Variants in STAB2 observed in about 807,000 individuals in gnomAD.
STAB2 encodes the protein stabilin 2, also known as stabilin-2.
STAB2 carries 288 observed loss-of-function variants against 338.1 expected under a neutral mutation model. The ratio of observed to expected loss-of-function variants is 0.85; its 90% CI spans 0.77 to 0.94. STAB2 has a LOEUF of 0.94. Among genes scored for constraint, STAB2 ranks in the 40% least tolerant of loss-of-function variants. STAB2 has a pLI of 0.00. For missense variants in STAB2, 3,141 were observed against 3,210.1 expected (o/e 0.98, Z 0.52); for synonymous variants, 1,202 against 1,193.3 (o/e 1.01, Z -0.15).
Position 103,730,274 on chromosome 12 carries a change from T to TCA in STAB2, c.5223+18_5223+19insCA. On this transcript the variant is annotated intron_variant, in intron 49 of 68. Transcript: ENST00000388887. The stretch of plus-strand genomic sequence containing the variant: ...GAATTCTGGTAGGTAAACTCTCTGT[T>TCA]ATGTTTTCAGCCTGGAGTGACTCAA... 6.2e-7 allele frequency: 1 copy of TCA among 1,613,234 alleles called. No homozygotes were observed. The highest frequency in any genetic ancestry group is 1.1e-5 in the South Asian group (1 of 91,032).
At chr12:103,596,973 A>AAG (rs1956885612) in intron 3 of STAB2, among the ~76,000 whole-genome samples, 1 of 150,764 alleles carries the variant, frequency 6.6e-6, no homozygotes, top group Non-Finnish European at 1.5e-5. Flanking sequence ...AAAAAAAAAA[A>AAG]AAAAAGAGTC....
chr12:103,613,848 A>G (rs765747657), intron 3 of STAB2, among the ~76,000 whole-genome samples: 5 of 152,096 alleles, frequency 3.3e-5, no homozygotes, highest in Non-Finnish European at 7.4e-5. Flanking sequence ...TTCATTTTGT[A>G]TAGTTAATAC....
At chr12:103,739,003 C>T (rs10861090) in intron 53 of STAB2, among the ~76,000 whole-genome samples, 35,720 of 151,874 alleles carry the variant, frequency 0.24, 4,524 homozygotes, top group African/African-American at 0.29. Flanking sequence ...TGAGATAGGG[C>T]CTTGCTCTGT....
intron 67 of STAB2, among the ~76,000 whole-genome samples, chr12:103,763,138 T>G (rs1884665758): frequency 6.6e-6 from 1 of 152,220 alleles, no homozygotes; most frequent in African/African-American, 2.4e-5. Context: ...TGACTGCATT[T>G]ATATTAAGTT....
intron 31 of STAB2, among the ~76,000 whole-genome samples, chr12:103,695,043 C>T (rs892076821): frequency 3.3e-5 from 5 of 152,234 alleles, no homozygotes; most frequent in Non-Finnish European, 7.4e-5. Context: ...CCTATTATTA[C>T]ATAGCACAAG....
chr12:103,763,764 G>C, intron 68 of STAB2, 156 bp downstream of exon 68: 1 of 674,888 alleles, frequency 1.5e-6, no homozygotes, highest in Admixed American at 2.8e-5. Context: ...CAAGCTGACT[G>C]AAGCCAGTGT....
intron 6 of STAB2, 90 bp from the exon 7 acceptor site, chr12:103,637,021 G>T: frequency 7.3e-7 from 1 of 1,371,452 alleles, no homozygotes; most frequent in Non-Finnish European, 9.7e-7. Context: ...AGTTTGTATT[G>T]CTTTTTAATA....
intron 3 of STAB2, among the ~76,000 whole-genome samples, chr12:103,598,245 G>T (rs1426135846): frequency 6.6e-6 from 1 of 152,208 alleles, no homozygotes; most frequent in Non-Finnish European, 1.5e-5. Context: ...AACAAAGGTG[G>T]TGACATGGAA....
chr12:103,587,598 CATG>C (rs1395947184), intron 1 of STAB2, 41 bp downstream of exon 1: 4 of 1,516,558 alleles, frequency 2.6e-6, no homozygotes, highest in Non-Finnish European at 3.7e-6. Flanking sequence ...TGTTAATTGT[CATG>C]ATATGTTCAA....
chr12:103,732,525 A>G (rs1404027254), intron 50 of STAB2, among the ~76,000 whole-genome samples: 1 of 152,054 alleles, frequency 6.6e-6, no homozygotes, highest in African/African-American at 2.4e-5. Flanking sequence ...ACAGGTCAGG[A>G]TGGGCACAGT....
chr12:103,717,848 A>G lies in STAB2; in HGVS notation c.4683+7A>G, dbSNP rs1484131987. 1.2e-6 allele frequency: 2 copies of G among 1,614,064 alleles called. No individual in the cohort carries two copies. The highest frequency in any genetic ancestry group is 2.2e-5 in the South Asian group (2 of 91,082). On this transcript the variant is annotated splice_region_variant and intron_variant, in intron 44 of 68. Coordinates refer to ENST00000388887, the MANE Select transcript of STAB2 (RefSeq NM_017564.10). ...CATCAATGTCTGCTTAACTGTGAGT[A>G]TGGCTCTAGGGTGGATATCCTTCAA...
chr12:103,695,152 C>T (rs1477453855), intron 31 of STAB2, among the ~76,000 whole-genome samples: 2 of 152,130 alleles, frequency 1.3e-5, no homozygotes, highest in Non-Finnish European at 1.5e-5. Flanking sequence ...AATAAACACA[C>T]GAATAACAAC....
intron 8 of STAB2, among the ~76,000 whole-genome samples, chr12:103,639,136 A>G (rs1308118745): frequency 6.6e-6 from 1 of 152,210 alleles, no homozygotes; most frequent in Non-Finnish European, 1.5e-5. Context: ...AATTAATGTT[A>G]TGCCATGAAT....
intron 1 of STAB2, among the ~76,000 whole-genome samples, chr12:103,590,119 A>G (rs1956773697): frequency 2.0e-5 from 3 of 152,220 alleles, no homozygotes. Context: ...CAGCCTCGGC[A>G]TTATGAGCAA....
chr12:103,655,425 G>A (rs1329094155), intron 14 of STAB2, 31 bp from the exon 15 acceptor site: 2 of 1,612,844 alleles, frequency 1.2e-6, no homozygotes, highest in Non-Finnish European at 8.5e-7. Flanking sequence ...AAGGTAGGCT[G>A]CAGATACAAA....
At chr12:103,590,223 C>T (rs944947901) in intron 1 of STAB2, among the ~76,000 whole-genome samples, 1 of 152,172 alleles carries the variant, frequency 6.6e-6, no homozygotes, top group Non-Finnish European at 1.5e-5. Flanking sequence ...CTGTTTCTAG[C>T]ACATCTGATT....
chr12:103,594,547 C>G, intron 3 of STAB2, 37 bp downstream of exon 3: 1 of 1,476,478 alleles, frequency 6.8e-7, no homozygotes, highest in Middle Eastern at 1.7e-4. Flanking sequence ...AGACTTGCTT[C>G]TTGGTATCTC....
intron 3 of STAB2, among the ~76,000 whole-genome samples, chr12:103,596,463 C>G (rs558410752): frequency 6.6e-6 from 1 of 152,296 alleles, no homozygotes; most frequent in African/African-American, 2.4e-5. Flanking sequence ...CCTTATTCTC[C>G]TCATCTGTCA....
At chr12:103,761,251 C>T in intron 65 of STAB2, 49 bp from the exon 66 acceptor site, 2 of 1,561,234 alleles carry the variant, frequency 1.3e-6, no homozygotes, top group Non-Finnish European at 1.8e-6. Flanking sequence ...CCATGGAGGG[C>T]TGCCCACTCG....
Sources: allele counts gnomAD v4.1 joint callset (sites outside exome capture counted in the v4.1 genomes callset), GRCh38; gene constraint gnomAD v4.1.1; transcripts MANE v1.5; gene names NCBI Gene and HGNC (gene_info 2026-07-23, HGNC 2026-07-21).